PDGFD: variants seen among roughly 807,000 people sequenced by gnomAD.
The protein encoded by PDGFD is platelet-derived growth factor D.
PDGFD carries 30 observed loss-of-function variants against 44.7 expected under a neutral mutation model. That is an observed-to-expected ratio of 0.67 (90% CI 0.50 to 0.91). The LOEUF (loss-of-function observed/expected upper bound fraction) is 0.91, where lower values mean the gene tolerates loss of function less well. Ranked by LOEUF, PDGFD falls within the 40% of genes least tolerant of loss-of-function variation. The pLI, the probability that PDGFD is intolerant of heterozygous loss-of-function variation, is 0.00. For synonymous variants in PDGFD, 173 were observed against 168.4 expected (o/e 1.03, Z -0.21); for missense variants, 445 against 457.8 (o/e 0.97, Z 0.25).
chr11:104,129,861 T>C (rs912476306), intron 1 of PDGFD, among the ~76,000 whole-genome samples: 1 of 151,526 alleles, frequency 6.6e-6, no homozygotes, highest in African/African-American at 2.4e-5. Context: ...ACAAAAAAAT[T>C]AGCCAGGCAT....
At chr11:103,919,415 A>G (rs1858174556) in intron 6 of PDGFD, among the ~76,000 whole-genome samples, 1 of 152,116 alleles carries the variant, frequency 6.6e-6, no homozygotes, top group Non-Finnish European at 1.5e-5. Flanking sequence ...ACAGTTCTCA[A>G]ATTAATGGCT....
chr11:103,925,940 G>A (rs555289928), intron 6 of PDGFD, among the ~76,000 whole-genome samples: 11 of 151,766 alleles, frequency 7.2e-5, no homozygotes, highest in Admixed American at 2.0e-4. Context: ...TGTTGGCCAC[G>A]CTGTTCTTGA....
intron 3 of PDGFD, among the ~76,000 whole-genome samples, chr11:103,995,739 C>A (rs1005126102): frequency 6.6e-6 from 1 of 152,218 alleles, no homozygotes; most frequent in Non-Finnish European, 1.5e-5. Flanking sequence ...GTTTAACTCT[C>A]ACATACCTTC....
In PDGFD at chr11:104,119,502, TATATA is replaced by T. The variant is rs1204616197; in HGVS notation, c.124+44297_124+44301del. 1.6e-4 allele frequency among the ~76,000 whole-genome samples: 8 copies of T among 51,030 alleles called. 3 individuals carry two copies. The highest frequency in any genetic ancestry group is 6.4e-5 in the Non-Finnish European group (2 of 31,424). The allele number at this position is 51,030 out of a possible 152,430, so 33.5% of individuals were successfully genotyped here. On this transcript the variant is annotated intron_variant, in intron 1 of 6. Transcript: ENST00000393158. ...TATATAATATAATATATTGATATAATATATAATATATTAATATAATATATTGATAT... is the reference window on the plus strand; with the variant it reads ...TATATAATATAATATATTGATATAATATATATTAATATAATATATTGATAT...
chr11:104,139,873 TAAAA>T (rs1193661913), intron 1 of PDGFD, among the ~76,000 whole-genome samples: 8 of 19,838 alleles, frequency 4.0e-4, no homozygotes, highest in African/African-American at 2.7e-3. Flanking sequence ...CCGTCTCTAC[TAAAA>T]AAAAAAAAAA....
At chr11:104,048,362 C>T (rs764579503) in intron 1 of PDGFD, among the ~76,000 whole-genome samples, 6 of 151,858 alleles carry the variant, frequency 4.0e-5, no homozygotes, top group Admixed American at 6.6e-5. Context: ...AGCCCCAGTT[C>T]TGATTCTGCC....
intron 1 of PDGFD, among the ~76,000 whole-genome samples, chr11:104,154,109 T>C (rs79384959): frequency 0.039 from 6,012 of 152,242 alleles, 227 homozygotes; most frequent in African/African-American, 0.097. Flanking sequence ...AAAAATGTTA[T>C]GTTAATAGTT....
chr11:103,921,614 A>T (rs578044789), intron 6 of PDGFD, among the ~76,000 whole-genome samples: 1 of 152,154 alleles, frequency 6.6e-6, no homozygotes, highest in Admixed American at 6.5e-5. Flanking sequence ...TAAAAAAAAA[A>T]AAAATCTAAA....
intron 4 of PDGFD, chr11:103,946,326 A>C (rs1858667589): frequency 6.6e-6 from 1 of 152,250 alleles, no homozygotes; most frequent in Non-Finnish European, 1.5e-5. Context: ...CAGCACCTAG[A>C]CTTGAAACTC....
intron 1 of PDGFD, chr11:104,037,010 C>T (rs1860251514): frequency 6.2e-7 from 1 of 1,614,244 alleles, no homozygotes; most frequent in Non-Finnish European, 8.5e-7. Context: ...TCCCTGGGCT[C>T]CTACGGCCTC....
intron 1 of PDGFD, among the ~76,000 whole-genome samples, chr11:104,054,420 T>C (rs1023056722): frequency 6.6e-6 from 1 of 152,002 alleles, no homozygotes; most frequent in African/African-American, 2.4e-5. Context: ...GTAAAAGAAA[T>C]AAGGCAACCT....
chr11:104,073,897 G>A (rs961379248), intron 1 of PDGFD, among the ~76,000 whole-genome samples: 2 of 152,160 alleles, frequency 1.3e-5, no homozygotes, highest in East Asian at 3.8e-4. Flanking sequence ...ATATTCACAA[G>A]GTAAATTAGA....
chr11:103,907,500 G>A lies in PDGFD; in HGVS notation c.*2194C>T, dbSNP rs1020108997. 1.3e-5 allele frequency: 2 copies of A among 152,164 alleles called. No individual in the cohort carries two copies. The highest frequency in any genetic ancestry group is 4.8e-5 in the African/African-American group (2 of 41,452). The allele number at this position is 152,164 out of a possible 1,614,324, so 9.4% of individuals were successfully genotyped here. On this transcript the variant is annotated 3_prime_UTR_variant, in exon 7 of 7. Coordinates refer to ENST00000393158, the MANE Select transcript of PDGFD (RefSeq NM_025208.5). ...CATGTTAGAAGTGCAAAAGATAACA[G>A]GTAACCAAGGGAGAAGTTTTAATAA...
intron 3 of PDGFD, among the ~76,000 whole-genome samples, chr11:103,948,181 G>A (rs1424067428): frequency 6.6e-6 from 1 of 152,180 alleles, no homozygotes; most frequent in Non-Finnish European, 1.5e-5. Flanking sequence ...TTTAAACTAG[G>A]TTACGCATTA....
intron 1 of PDGFD, among the ~76,000 whole-genome samples, chr11:104,004,415 T>C (rs1329214650): frequency 2.0e-5 from 3 of 152,178 alleles, no homozygotes; most frequent in African/African-American, 7.2e-5. Flanking sequence ...ATTTATACTG[T>C]TTCTAGAGGT....
intron 1 of PDGFD, among the ~76,000 whole-genome samples, chr11:104,139,263 G>C (rs1862050923): frequency 6.6e-6 from 1 of 152,112 alleles, no homozygotes; most frequent in Admixed American, 6.5e-5. Context: ...TCCTAATGCA[G>C]GAATCTGATG....
intron 1 of PDGFD, among the ~76,000 whole-genome samples, chr11:104,121,115 T>C (rs917492712): frequency 6.6e-5 from 10 of 152,040 alleles, no homozygotes; most frequent in African/African-American, 2.4e-4. Context: ...CACTGTTTTG[T>C]AGTCTCCCAC....
chr11:103,959,378 C>G (rs530655850), intron 3 of PDGFD, among the ~76,000 whole-genome samples: 1 of 152,264 alleles, frequency 6.6e-6, no homozygotes, highest in South Asian at 2.1e-4. Context: ...TGACTTCTTT[C>G]TAAGGGGATT....
chr11:104,099,769 A>C (rs1243124391), intron 1 of PDGFD, among the ~76,000 whole-genome samples: 1 of 151,776 alleles, frequency 6.6e-6, no homozygotes, highest in Non-Finnish European at 1.5e-5. Flanking sequence ...GGTTAAATCA[A>C]ATTAAATCTT....
Sources: gnomAD v4.1 joint callset for allele counts (sites outside exome capture counted in the v4.1 genomes callset) on GRCh38, gnomAD v4.1.1 for gene constraint, MANE v1.5 for transcripts, NCBI Gene and HGNC (gene_info 2026-07-23, HGNC 2026-07-21) for gene names.